Variants in ALMS1 observed in about 807,000 individuals in gnomAD.
ALMS1 encodes ALMS1 centrosome and basal body associated protein, also known as centrosome-associated protein ALMS1.
In ALMS1, 271 loss-of-function variants were observed where a neutral mutation model predicts 352.2. The ratio of observed to expected loss-of-function variants is 0.77; its 90% confidence interval spans 0.70 to 0.85. ALMS1 has a LOEUF of 0.85. Among genes scored for constraint, ALMS1 ranks in the 40% least tolerant of loss-of-function variants. The probability of loss-of-function intolerance (pLI) is 0.00; values close to 1 mark genes in which losing one functional copy is unlikely to be tolerated. For synonymous variants in ALMS1, 1,865 were observed against 1,761.2 expected, an observed-to-expected ratio of 1.06 and a Z score of -1.48; for missense variants, 5,445 against 4,870.7, an observed-to-expected ratio of 1.12 and a Z score of -3.51.
chr2:73,434,959 A>G (rs6546834), intron 7 of ALMS1, among the ~76,000 whole-genome samples: 133,237 of 152,136 alleles, frequency 0.88, 58,439 homozygotes, highest in Admixed American at 0.92. Flanking sequence ...CACCATGCCC[A>G]ATTAATTAGA....
chr2:73,601,152 A>G (rs1340886334), intron 18 of ALMS1, 43 bp from the exon 19 acceptor site: 3 of 1,613,310 alleles, frequency 1.9e-6, no homozygotes, highest in Non-Finnish European at 2.5e-6. Context: ...GGGCTGTAAA[A>G]AAGTGAAAAA....
chr2:73,466,124 C>G (rs1196681097), intron 9 of ALMS1, among the ~76,000 whole-genome samples: 1 of 152,106 alleles, frequency 6.6e-6, no homozygotes, highest in Admixed American at 6.5e-5. Flanking sequence ...CCCAGCCATC[C>G]CATTTCTGGG....
intron 1 of ALMS1, among the ~76,000 whole-genome samples, chr2:73,397,213 T>C (rs546115372): frequency 1.1e-4 from 16 of 152,298 alleles, no homozygotes; most frequent in African/African-American, 3.9e-4. Flanking sequence ...ACACTAGATT[T>C]TTCTTCCCTA....
chr2:73,399,470 C>T (rs188525479), intron 1 of ALMS1, among the ~76,000 whole-genome samples: 16 of 152,080 alleles, frequency 1.1e-4, no homozygotes, highest in African/African-American at 3.9e-4. Context: ...AGGCGTCTCA[C>T]ATGGCGAGAG....
At chr2:73,601,013 C>T in intron 18 of ALMS1, 132 bp downstream of exon 18, 1 of 1,393,826 alleles carries the variant, frequency 7.2e-7, no homozygotes, top group South Asian at 1.4e-5. Context: ...GTCAGGTTTT[C>T]AGAGTCCAGC....
In ALMS1 at chr2:73,572,245, T is replaced by G. The variant is rs1674944348; in HGVS notation, c.10385-17T>G. Reference sequence around the variant, plus strand: ...AATTTTTTAAGTTCTTTCAAAATCTTTTTTTCTCCTTTTCAGAGTCCGAAT... The same window carrying G: ...AATTTTTTAAGTTCTTTCAAAATCTGTTTTTCTCCTTTTCAGAGTCCGAAT... On this transcript the variant is annotated splice_polypyrimidine_tract_variant and intron_variant, in intron 15 of 22. Transcript: ENST00000613296. 1 of 1,599,718 alleles carries G rather than the reference T, an allele frequency of 6.3e-7. No homozygotes were observed.
chr2:73,582,505 A>G lies in ALMS1; in HGVS notation c.11547+9081A>G, dbSNP rs1009084946. 2.6e-5 allele frequency among the ~76,000 whole-genome samples: 4 copies of G among 151,356 alleles called. No individual in the cohort carries two copies. In the South Asian group the frequency reaches 8.3e-4, roughly 31 times the overall value. ...TTTCATATTGCAAACCTGAAACTCT[A>G]TACCCATTGAACAACAACTGCCCTT... On this transcript the variant is annotated intron_variant, in intron 16 of 22. Transcript: ENST00000613296.
Position 73,449,591 on chromosome 2 carries a change from G to T in ALMS1, c.3064G>T (p.Ala1022Ser), listed in dbSNP as rs1267229357. 1.2e-6 allele frequency: 2 copies of T among 1,613,904 alleles called. No individual in the cohort carries two copies. The highest frequency in any genetic ancestry group is 3.3e-5 in the Admixed American group (2 of 59,990). Reference sequence around the variant, plus strand: ...TCAACAGGAGTGGCCAGATAGTTATGCAACTGAAAAGGCTCTGAAAGTTTC... The same window carrying T: ...TCAACAGGAGTGGCCAGATAGTTATTCAACTGAAAAGGCTCTGAAAGTTTC... ...FYQQEWPDSY[A>S]TEKALKVSTG... Residue 1022 changes from alanine to serine, a missense_variant, in exon 8 of 23, where the codon GCA becomes TCA. Coordinates refer to ENST00000613296, the MANE Select transcript of ALMS1 (RefSeq NM_001378454.1).
intron 15 of ALMS1, 116 bp from the exon 16 acceptor site, chr2:73,572,146 A>T: frequency 1.1e-6 from 1 of 892,562 alleles, no homozygotes; most frequent in Non-Finnish European, 1.7e-6. Context: ...CTGATACCTT[A>T]TATAAACTAT....
In ALMS1 at chr2:73,460,946, C is replaced by G. The variant is rs181390812; in HGVS notation, c.7674+5651C>G. Reference sequence around the variant, plus strand: ...AGGTAAACAAAGCAGCCTGGAAGCTCGAACTGGGTGGAGCCCACTACAGCT... The same window carrying G: ...AGGTAAACAAAGCAGCCTGGAAGCTGGAACTGGGTGGAGCCCACTACAGCT... On this transcript the variant is annotated intron_variant, in intron 9 of 22. Transcript: ENST00000613296. Among the ~76,000 whole-genome samples, 1,510 of 152,334 alleles carry G rather than the reference C, an allele frequency of 9.9e-3. 28 individuals carry two copies. The highest frequency in any genetic ancestry group is 0.034 in the African/African-American group (1,417 of 41,578).
Position 73,448,537 on chromosome 2 carries a change from A to T in ALMS1, c.2010A>T (p.Ser670=), listed in dbSNP as rs1225803346. The change falls in exon 8 of 23, where the codon TCA becomes TCT. Residue 670 remains serine (S), a synonymous_variant. Transcript: ENST00000613296. ...CTACAGTATCCTCTACATCCCACTCACATGTAGAGGACCTCCTCTTTTTCT... is the reference window on the plus strand; with the variant it reads ...CTACAGTATCCTCTACATCCCACTCTCATGTAGAGGACCTCCTCTTTTTCT... ...GIPTVSSTSH[S]HVEDLLFFYR... is the part of the protein sequence containing the mutation. 6.2e-7 allele frequency: 1 copy of T among 1,613,858 alleles called. No individual in the cohort carries two copies. The highest frequency in any genetic ancestry group is 1.1e-5 in the South Asian group (1 of 91,072).
chr2:73,420,468 C>A (rs1671261610), intron 3 of ALMS1, among the ~76,000 whole-genome samples: 1 of 152,054 alleles, frequency 6.6e-6, no homozygotes, highest in Non-Finnish European at 1.5e-5. Context: ...TACCATCTGA[C>A]CCTTTATTAA....
At chr2:73,520,461 A>G (rs1282454758) in intron 11 of ALMS1, among the ~76,000 whole-genome samples, 1 of 152,222 alleles carries the variant, frequency 6.6e-6, no homozygotes, top group Non-Finnish European at 1.5e-5. Flanking sequence ...TGCAAACACA[A>G]TAGCAGTTTA....
At chr2:73,601,466 T>C in intron 19 of ALMS1, 30 bp downstream of exon 19, 1 of 1,611,038 alleles carries the variant, frequency 6.2e-7, no homozygotes, top group Non-Finnish European at 8.5e-7. Flanking sequence ...ACTTTAATGC[T>C]ACGTGTAGGG....
At position 73,600,672 on chromosome 2, in the gene ALMS1, C is replaced by G. The variant is rs1234111733; in HGVS notation, c.11669-6C>G. The G allele has an allele frequency of 6.2e-7, 1 of 1,611,284 alleles. No individual in the cohort carries two copies. Among genetic ancestry groups the G allele is most frequent in the Non-Finnish European group, 8.5e-7 (1 of 1,178,678 alleles). On this transcript the variant is annotated splice_polypyrimidine_tract_variant and splice_region_variant and intron_variant, in intron 17 of 22. Coordinates refer to ENST00000613296, the MANE Select transcript of ALMS1 (RefSeq NM_001378454.1). ...TCCCAGAGACACCTATGATCCTTCCCCTCAGGTAACTTGGAGATTGTGAAC... is the reference window on the plus strand; with the variant it reads ...TCCCAGAGACACCTATGATCCTTCCGCTCAGGTAACTTGGAGATTGTGAAC...
rs1195938165 is a variant in ALMS1 at position 73,448,566 on chromosome 2, G to A, written c.2039G>A (p.Arg680Gln). 1.2e-6 allele frequency: 2 copies of A among 1,613,300 alleles called. No homozygotes were observed. Among genetic ancestry groups the A allele is most frequent in the African/African-American group, 1.3e-5 (1 of 74,698 alleles). ...GTAGAGGACCTCCTCTTTTTCTATC[G>A]ACAGACCTTGCCAGATGGTCATCTA... ...SHVEDLLFFY[R>Q]QTLPDGHLTD... The change falls in exon 8 of 23, where the codon CGA becomes CAA. Residue 680 changes from arginine to glutamine, a missense_variant. Physicochemically the swap from Arg to Gln is conservative, Grantham distance 43. Transcript: ENST00000613296.
chr2:73,498,304 A>G (rs993529426), intron 10 of ALMS1, among the ~76,000 whole-genome samples: 2 of 151,434 alleles, frequency 1.3e-5, no homozygotes, highest in Admixed American at 6.6e-5. Context: ...TAGTAGGTGT[A>G]TATGTTTATG....
chr2:73,482,895 GT>G (rs1191453962), intron 9 of ALMS1, among the ~76,000 whole-genome samples: 2 of 152,082 alleles, frequency 1.3e-5, no homozygotes, highest in Non-Finnish European at 2.9e-5. Flanking sequence ...TCTGATGGTA[GT>G]TTGTATTTCT....
intron 1 of ALMS1, among the ~76,000 whole-genome samples, chr2:73,406,199 T>C (rs966535080): frequency 1.3e-5 from 2 of 152,194 alleles, no homozygotes; most frequent in African/African-American, 4.8e-5. Flanking sequence ...CTGACACATA[T>C]ATAATTATTA....
Sources: gnomAD v4.1 joint callset for allele counts (sites outside exome capture counted in the v4.1 genomes callset) on GRCh38, gnomAD v4.1.1 for gene constraint, MANE v1.5 for transcripts, NCBI Gene and HGNC (gene_info 2026-07-23, HGNC 2026-07-21) for gene names.